The following PDIA6 variants were observed in gnomAD, a reference collection of about 807,000 sequenced individuals.
PDIA6 encodes protein disulfide isomerase family A member 6, also known as protein disulfide-isomerase A6.
Under a neutral mutation model 58.4 loss-of-function variants are expected in PDIA6, and 29 were observed. The ratio of observed to expected loss-of-function variants is 0.50; its 90% confidence interval spans 0.37 to 0.68. The LOEUF is 0.68. Ranked by LOEUF, PDIA6 falls within the 30% of genes least tolerant of loss-of-function variation. PDIA6 has a pLI of 0.00. For synonymous variants in PDIA6, 192 were observed against 202.6 expected (o/e 0.95, Z 0.44); for missense variants, 480 against 551.0 (o/e 0.87, Z 1.29).
intron 1 of PDIA6, among the ~76,000 whole-genome samples, 174 bp from the exon 2 acceptor site, chr2:10,802,814 T>C (rs759143088): frequency 4.6e-5 from 7 of 152,214 alleles, no homozygotes; most frequent in Non-Finnish European, 8.8e-5. Flanking sequence ...TTCACTCCCA[T>C]TGCTGCAACG....
In PDIA6 at chr2:10,828,210, A is replaced by G. The variant is rs60187647; in HGVS notation, c.-48+3992T>C. Among the ~76,000 whole-genome samples, 146 of 152,334 alleles carry G rather than the reference A, an allele frequency of 9.6e-4. 1 individual carries two copies. The highest frequency in any genetic ancestry group is 3.3e-3 in the African/African-American group (139 of 41,580). ...GATGACACACATCTACTCTTATAGT[A>G]TCAGACACAGTAGTTTCACTGTCCT... On this transcript the variant is annotated intron_variant, in intron 1 of 13. Transcript: ENST00000381611.
At chr2:10,795,743 T>TCTGTACCC (rs1666239208) in intron 4 of PDIA6, among the ~76,000 whole-genome samples, 3 of 152,116 alleles carry the variant, frequency 2.0e-5, no homozygotes. Flanking sequence ...CACGACAGAT[T>TCTGTACCC]CTGTACCCCT....
At chr2:10,824,728 C>A (rs1306019577) in intron 1 of PDIA6, among the ~76,000 whole-genome samples, 1 of 152,230 alleles carries the variant, frequency 6.6e-6, no homozygotes, top group East Asian at 1.9e-4. Context: ...GGAGACAATA[C>A]CTGATCAGTG....
intron 1 of PDIA6, among the ~76,000 whole-genome samples, chr2:10,824,458 G>A (rs1038217422): frequency 1.3e-5 from 2 of 152,262 alleles, no homozygotes; most frequent in African/African-American, 4.8e-5. Context: ...ATTGGCTCAG[G>A]AAGGGGTTTG....
At chr2:10,793,339 A>G in intron 4 of PDIA6, 137 bp from the exon 5 acceptor site, 2 of 612,456 alleles carry the variant, frequency 3.3e-6, no homozygotes, top group Non-Finnish European at 6.0e-6. Flanking sequence ...TATCTCTGAC[A>G]GAACACACTT....
intron 11 of PDIA6, among the ~76,000 whole-genome samples, chr2:10,785,877 CTATTTTT>C (rs1665707547): frequency 6.6e-6 from 1 of 152,284 alleles, no homozygotes; most frequent in Admixed American, 6.5e-5. Context: ...CACACCTGGC[CTATTTTT>C]TGTATTTTTA....
At chr2:10,788,568 G>GAAA (rs139639749) in intron 10 of PDIA6, 129 bp downstream of exon 10, 7,416 of 600,138 alleles carry the variant, frequency 0.012, 16 homozygotes, top group Non-Finnish European at 0.015. Flanking sequence ...AGGCAGGAGG[G>GAAA]AAAAAAAAAA....
intron 1 of PDIA6, among the ~76,000 whole-genome samples, chr2:10,806,209 A>G (rs554787244): frequency 1.2e-3 from 185 of 151,294 alleles, no homozygotes; most frequent in Non-Finnish European, 2.1e-3. Flanking sequence ...CTCTAAAAAA[A>G]GTACAAAAAT....
intron 2 of PDIA6, among the ~76,000 whole-genome samples, chr2:10,818,064 A>C (rs1667255311): frequency 1.3e-5 from 2 of 152,196 alleles, no homozygotes; most frequent in African/African-American, 4.8e-5. Flanking sequence ...GGTTCAGATC[A>C]TAGGTAGAGT....
At chr2:10,798,045 G>A (rs1364216572) in intron 2 of PDIA6, among the ~76,000 whole-genome samples, 2 of 152,044 alleles carry the variant, frequency 1.3e-5, no homozygotes, top group African/African-American at 2.4e-5. Context: ...AATTAGCCAG[G>A]CGTGGTGGTG....
chr2:10,816,713 C>T (rs574943084), upstream of PDIA6, among the ~76,000 whole-genome samples: 30 of 152,060 alleles, frequency 2.0e-4, no homozygotes, highest in African/African-American at 6.7e-4. Flanking sequence ...TCCTTTTTTC[C>T]GCAGTTATTT....
chr2:10,821,627 A>C (rs1667396914), intron 1 of PDIA6: 1 of 148,108 alleles, frequency 6.8e-6, no homozygotes, highest in Non-Finnish European at 1.5e-5. Context: ...GGCAATAATA[A>C]ATGATTTTTT....
At chr2:10,822,472 C>A (rs1310817552) in intron 1 of PDIA6, among the ~76,000 whole-genome samples, 1 of 152,062 alleles carries the variant, frequency 6.6e-6, no homozygotes, top group Non-Finnish European at 1.5e-5. Context: ...CCCTGTTAGC[C>A]AGGATGGTCT....
chr2:10,798,166 C>A (rs1408571232), intron 2 of PDIA6, among the ~76,000 whole-genome samples: 1 of 152,072 alleles, frequency 6.6e-6, no homozygotes, highest in Non-Finnish European at 1.5e-5. Flanking sequence ...GCCTGGGCAA[C>A]AGAGTGAGAT....
At chr2:10,829,614 C>T (rs569745369) in intron 1 of PDIA6, among the ~76,000 whole-genome samples, 158 of 152,200 alleles carry the variant, frequency 1.0e-3, no homozygotes, top group Non-Finnish European at 1.5e-3. Flanking sequence ...AAATTTGAAA[C>T]CTAAGTGGCA....
In PDIA6 at chr2:10,790,812, G is replaced by A. The variant is rs769286711; in HGVS notation, c.606C>T (p.Ala202=). 3.5e-5 allele frequency: 57 copies of A among 1,613,538 alleles called. No homozygotes were observed. Among genetic ancestry groups the A allele is most frequent in the African/African-American group, 5.3e-5 (4 of 74,900 alleles). ...HCKNLEPEWA[A]AASEVKEQTK... Reference sequence around the variant, plus strand: ...TCTGCTCTTTTACTTCTGAAGCTGCGGCAGCCCACTCTGGCTCTAGGCTAT... The same window carrying A: ...TCTGCTCTTTTACTTCTGAAGCTGCAGCAGCCCACTCTGGCTCTAGGCTAT... Residue 202 remains alanine, a synonymous_variant, in exon 7 of 13, where the codon GCC becomes GCT. Transcript: ENST00000272227.
intron 1 of PDIA6, among the ~76,000 whole-genome samples, chr2:10,826,702 T>G (rs1667566010): frequency 6.6e-6 from 1 of 152,190 alleles, no homozygotes; most frequent in African/African-American, 2.4e-5. Context: ...GTGTGTGGAT[T>G]ATATCTCAAT....
Position 10,790,714 on chromosome 2 carries a change from C to A in PDIA6, c.699+5G>T. On this transcript the variant is annotated splice_donor_5th_base_variant and intron_variant, in intron 7 of 12. Coordinates refer to ENST00000272227, the MANE Select transcript of PDIA6 (RefSeq NM_005742.4). ...CAATGAAATGAGCCTTATAAGTATA[C>A]TCACCCCGTATCGGGAGGCCAGAAC... 6.3e-7 allele frequency: 1 copy of A among 1,594,984 alleles called. No individual in the cohort carries two copies.
At chr2:10,809,080 A>AT (rs1342374129) in intron 1 of PDIA6, among the ~76,000 whole-genome samples, 2 of 152,206 alleles carry the variant, frequency 1.3e-5, no homozygotes, top group African/African-American at 4.8e-5. Context: ...AAGTGCGAGG[A>AT]TTACAGGCGT....
Sources: allele counts gnomAD v4.1 joint callset (sites outside exome capture counted in the v4.1 genomes callset), GRCh38; gene constraint gnomAD v4.1.1; transcripts MANE v1.5; gene names NCBI Gene and HGNC (gene_info 2026-07-23, HGNC 2026-07-21).